The following RAPGEF2 variants were observed in gnomAD, a reference collection of about 807,000 sequenced individuals.
RAPGEF2 encodes PDZ domain containing guanine nucleotide exchange factor (GEF) 1.
In RAPGEF2, 54 loss-of-function variants were observed where a neutral mutation model predicts 186.7. The ratio of observed to expected loss-of-function variants is 0.29; its 90% CI spans 0.23 to 0.36. The LOEUF is 0.36. Among genes scored for constraint, RAPGEF2 ranks in the 10% least tolerant of loss-of-function variants. The pLI, the probability that RAPGEF2 is intolerant of heterozygous loss-of-function variation, is 1.00. For synonymous variants in RAPGEF2, 712 were observed against 705.9 expected (o/e 1.01, Z -0.14); for missense variants, 1,532 against 2,045.0 (o/e 0.75, Z 4.84).
At chr4:159,268,115 T>A in intron 7 of RAPGEF2, 1 of 1,612,038 alleles carries the variant, frequency 6.2e-7, no homozygotes, top group Non-Finnish European at 8.5e-7. Flanking sequence ...GAGAGATTGG[T>A]ACATGATGTG....
At chr4:159,251,294 C>T (rs966111402) in intron 7 of RAPGEF2, among the ~76,000 whole-genome samples, 8 of 152,248 alleles carry the variant, frequency 5.3e-5, no homozygotes. Context: ...GTCCCATCGA[C>T]TGCCCAAGGG....
chr4:159,181,749 G>T (rs28636885), intron 1 of RAPGEF2, among the ~76,000 whole-genome samples: 1 of 151,636 alleles, frequency 6.6e-6, no homozygotes, highest in African/African-American at 2.4e-5. Context: ...GTTGGCCAGG[G>T]TGGTCTCGAT....
chr4:159,336,356 A>G (rs1767420230), intron 17 of RAPGEF2, among the ~76,000 whole-genome samples: 1 of 152,086 alleles, frequency 6.6e-6, no homozygotes, highest in South Asian at 2.1e-4. Context: ...TCCAAAGTCC[A>G]TTGTATCACT....
rs1737495807 is a variant in RAPGEF2, at chr4:159,104,054, C to CGAGG, written c.-108_-107insAGGG. 7.9e-6 allele frequency: 4 copies of CGAGG among 505,900 alleles called. No individual in the cohort carries two copies. Among genetic ancestry groups the CGAGG allele is most frequent in the Non-Finnish European group, 1.1e-5 (4 of 377,820 alleles). 31.3% of individuals were successfully genotyped at this position (505,900 alleles called of 1,614,324 possible). A position where few individuals can be genotyped will look rare whatever the true frequency, so the allele number is the denominator to read the frequency against. The stretch of plus-strand genomic sequence containing the variant: ...CGCCGCCGCGGTTTGGCTGATTAGT[C>CGAGG]GCGGGCGGGCGGGCGGGCGCAGCGC... On this transcript the variant is annotated 5_prime_UTR_variant, in exon 1 of 30. Transcript: ENST00000691494.
intron 7 of RAPGEF2, among the ~76,000 whole-genome samples, chr4:159,274,100 C>T (rs967762072): frequency 6.6e-6 from 1 of 152,170 alleles, no homozygotes; most frequent in African/African-American, 2.4e-5. Flanking sequence ...CCTAACATTT[C>T]TTTAATCTGC....
chr4:159,181,528 A>T (rs1747005311), intron 1 of RAPGEF2, among the ~76,000 whole-genome samples: 1 of 151,618 alleles, frequency 6.6e-6, no homozygotes, highest in African/African-American at 2.4e-5. Context: ...CTTTAATATT[A>T]GCCTTACATT....
At chr4:159,239,535 C>T (rs1477394717) in intron 5 of RAPGEF2, among the ~76,000 whole-genome samples, 1 of 151,880 alleles carries the variant, frequency 6.6e-6, no homozygotes, top group African/African-American at 2.4e-5. Flanking sequence ...AATTTTGTGA[C>T]AAAAATTTAT....
intron 29 of RAPGEF2, among the ~76,000 whole-genome samples, chr4:159,357,519 A>T (rs1475105430): frequency 6.6e-6 from 1 of 152,172 alleles, no homozygotes; most frequent in Non-Finnish European, 1.5e-5. Context: ...TAAAGTTTTC[A>T]GTTTAACATG....
intron 1 of RAPGEF2, among the ~76,000 whole-genome samples, chr4:159,126,871 T>C (rs756716177): frequency 1.8e-4 from 27 of 152,236 alleles, no homozygotes; most frequent in Admixed American, 4.6e-4. Flanking sequence ...ACCCCATTCA[T>C]GTGCATGGTA....
Position 159,251,301 on chromosome 4 carries a change from A to T in RAPGEF2, c.543+7510A>T, listed in dbSNP as rs183255411. On this transcript the variant is annotated intron_variant, in intron 7 of 29. Coordinates refer to ENST00000691494, the MANE Select transcript of RAPGEF2 (RefSeq NM_001394067.2). ...AGCGCCTGGTCCCATCGACTGCCCA[A>T]GGGCTGAGGAGTGCAGTGTGGGACT... 5.1e-3 allele frequency among the ~76,000 whole-genome samples: 774 copies of T among 152,334 alleles called. 31 individuals are homozygous for T. The highest frequency in any genetic ancestry group is 0.048 in the South Asian group (231 of 4,826).
At chr4:159,234,549 ATTTTTT>A (rs10588096) in intron 4 of RAPGEF2, among the ~76,000 whole-genome samples, 9 of 108,168 alleles carry the variant, frequency 8.3e-5, no homozygotes, top group Non-Finnish European at 7.1e-5. Context: ...TGCCCGGCTA[ATTTTTT>A]TTTTTTTTTT....
chr4:159,330,265 A>G lies in RAPGEF2; in HGVS notation c.1303-69A>G, dbSNP rs13136708. On this transcript the variant is annotated intron_variant, in intron 12 of 29. Coordinates refer to ENST00000691494, the MANE Select transcript of RAPGEF2 (RefSeq NM_001394067.2). ...CATATATGTGTGTGTGTATATGTAT[A>G]TGTGTGTGTGTGTGTGTGTGTGTGT... is the stretch of plus-strand genomic sequence containing the variant. The G allele has an allele frequency of 0.014, 7,537 of 535,304 alleles. 295 individuals are homozygous for G. The highest frequency in any genetic ancestry group is 0.11 in the African/African-American group (5,176 of 48,156). 33.2% of individuals were successfully genotyped at this position (535,304 alleles called of 1,614,324 possible).
rs551018682 is a variant in RAPGEF2 at position 159,213,819 on chromosome 4, C to T, written c.281+3236C>T. On this transcript the variant is annotated intron_variant, in intron 4 of 29. Transcript: ENST00000691494. Reference sequence around the variant, plus strand: ...GTGACTGTCAGTGACAGCTTGCTCACTCTTCTCCACTTCAAGCAGTTTCAG... The same window carrying T: ...GTGACTGTCAGTGACAGCTTGCTCATTCTTCTCCACTTCAAGCAGTTTCAG... Among the ~76,000 whole-genome samples the T allele has an allele frequency of 2.4e-3, 315 of 133,638 alleles. 1 individual carries two copies. Among genetic ancestry groups the T allele is most frequent in the Non-Finnish European group, 4.5e-3 (264 of 58,450 alleles). 87.7% of individuals were successfully genotyped at this position (133,638 alleles called of 152,430 possible).
At chr4:159,307,889 T>C (rs542134370) in intron 8 of RAPGEF2, among the ~76,000 whole-genome samples, 15 of 152,282 alleles carry the variant, frequency 9.9e-5, no homozygotes, top group African/African-American at 3.4e-4. Flanking sequence ...GAGAATCTCT[T>C]GAGCCCCAGA....
intron 7 of RAPGEF2, among the ~76,000 whole-genome samples, chr4:159,273,400 A>AT (rs1405060645): frequency 6.6e-6 from 1 of 152,250 alleles, no homozygotes; most frequent in African/African-American, 2.4e-5. Flanking sequence ...GTCACAGGAC[A>AT]TAGTAAAGTA....
rs755602359 is a variant in RAPGEF2, at chr4:159,329,818, A to G, written c.1150-40A>G. ...TATTAGTACTGCTAGGTCTTTTGCA[A>G]GCACTTTATCATTAACATGTGACTT... On this transcript the variant is annotated intron_variant, in intron 11 of 29. Coordinates refer to ENST00000691494, the MANE Select transcript of RAPGEF2 (RefSeq NM_001394067.2). 7.0e-6 allele frequency: 11 copies of G among 1,569,194 alleles called. No homozygotes were observed. The South Asian group carries it at 1.0e-4, about 15-fold the overall frequency.
chr4:159,110,084 A>G (rs1738324084), intron 1 of RAPGEF2, among the ~76,000 whole-genome samples: 2 of 152,238 alleles, frequency 1.3e-5, no homozygotes, highest in South Asian at 2.1e-4. Context: ...ATCTCATTAT[A>G]GTAAAACTGT....
chr4:159,198,270 CCTTCTTTCTTTCTTT>C (rs1561074423), intron 3 of RAPGEF2, among the ~76,000 whole-genome samples: 1 of 55,696 alleles, frequency 1.8e-5, no homozygotes, highest in East Asian at 3.6e-4. Flanking sequence ...CTCTTTCTTT[CCTTCTTTCTTTCTTT>C]CTTTCTTTCT....
chr4:159,356,105 C>T lies in RAPGEF2; in HGVS notation c.4904C>T (p.Ser1635Phe). The T allele has an allele frequency of 6.2e-7, 1 of 1,614,198 alleles. No homozygotes were observed. Among genetic ancestry groups the T allele is most frequent in the Non-Finnish European group, 8.5e-7 (1 of 1,180,022 alleles). The change falls in exon 29 of 30, where the codon TCT becomes TTT. Residue 1635 changes from serine (S) to phenylalanine (F), a missense_variant. Physicochemically the swap from Ser to Phe is radical, Grantham distance 155. Transcript: ENST00000691494. ...NKPQWHKPNE[S>F]DPRLAPYQSQ... ...CCTCAGTGGCATAAACCGAACGAGTCTGACCCGCGCCTCGCCCCCTATCAG... is the reference window on the plus strand; with the variant it reads ...CCTCAGTGGCATAAACCGAACGAGTTTGACCCGCGCCTCGCCCCCTATCAG...
Sources: allele counts gnomAD v4.1 joint callset (sites outside exome capture counted in the v4.1 genomes callset), GRCh38; gene constraint gnomAD v4.1.1; transcripts MANE v1.5; gene names NCBI Gene and HGNC (gene_info 2026-07-23, HGNC 2026-07-21).